The following IL1RAPL1 variants were observed in gnomAD, a reference collection of about 807,000 sequenced individuals.
IL1RAPL1 encodes the protein interleukin 1 receptor accessory protein like 1.
A neutral mutation model predicts 48.4 loss-of-function variants in IL1RAPL1; 3 were observed. That is an observed-to-expected ratio of 0.06 (90% CI 0.03 to 0.16). The LOEUF (loss-of-function observed/expected upper bound fraction) is 0.16. IL1RAPL1 is among the 10% of genes least tolerant of loss of function. The pLI is 1.00. For missense variants in IL1RAPL1, 349 were observed against 530.6 expected, an observed-to-expected ratio of 0.66 and a Z score of 3.36; for synonymous variants, 185 against 187.7, an observed-to-expected ratio of 0.99 and a Z score of 0.12.
At chrX:29,876,552 A>G (rs1931908724) in intron 6 of IL1RAPL1, among the ~76,000 whole-genome samples, 1 of 111,773 alleles carries the variant, frequency 8.9e-6, no homozygotes, top group South Asian at 3.8e-4. Context: ...TGAGAAATGT[A>G]CTCAAGTTTT....
intron 2 of IL1RAPL1, among the ~76,000 whole-genome samples, chrX:29,110,664 CG>C (rs1174245173): frequency 3.6e-5 from 4 of 111,732 alleles, no homozygotes; most frequent in Non-Finnish European, 7.5e-5. Context: ...CGAGTTTTTC[CG>C]GGGGTGATTT....
At chrX:29,078,466 C>T (rs1239067451) in intron 2 of IL1RAPL1, among the ~76,000 whole-genome samples, 2 of 112,035 alleles carry the variant, frequency 1.8e-5, no homozygotes, top group Non-Finnish European at 3.8e-5. Flanking sequence ...GAGATTTCAA[C>T]CAGATAAATT....
In IL1RAPL1 at chrX:28,876,463, C is replaced by G. The variant is rs557790292; in HGVS notation, c.82+87038C>G. On this transcript the variant is annotated intron_variant, in intron 2 of 10. Transcript: ENST00000378993. Reference sequence around the variant, plus strand: ...AGATTTAGAAGAGCATTAGATATCTCTGTCACATCTGAGGAACAAATTAGC... The same window carrying G: ...AGATTTAGAAGAGCATTAGATATCTGTGTCACATCTGAGGAACAAATTAGC... Among the ~76,000 whole-genome samples the G allele has an allele frequency of 1.3e-4, 14 of 111,623 alleles. No individual in the cohort carries two copies. In the South Asian group the frequency reaches 5.3e-3, roughly 42 times the overall value.
At chrX:28,594,934 T>A (rs1050023789) in intron 1 of IL1RAPL1, among the ~76,000 whole-genome samples, 2 of 111,476 alleles carry the variant, frequency 1.8e-5, no homozygotes, top group Non-Finnish European at 3.8e-5. Context: ...TCTTTCCACC[T>A]GCAGGGAATT....
chrX:28,895,803 C>T (rs1287363513), intron 2 of IL1RAPL1, among the ~76,000 whole-genome samples: 2 of 111,373 alleles, frequency 1.8e-5, no homozygotes, highest in African/African-American at 3.3e-5. Flanking sequence ...TTACCCAGAG[C>T]GTCTGTGATG....
intron 2 of IL1RAPL1, among the ~76,000 whole-genome samples, chrX:29,053,744 A>G (rs187295539): frequency 2.1e-4 from 24 of 111,812 alleles, no homozygotes; most frequent in African/African-American, 7.8e-4. Flanking sequence ...TGATTTTTGT[A>G]TATGGTGTAA....
At chrX:28,678,111 TC>T (rs1434045512) in intron 1 of IL1RAPL1, among the ~76,000 whole-genome samples, 1 of 111,887 alleles carries the variant, frequency 8.9e-6, no homozygotes, top group African/African-American at 3.3e-5. Context: ...TGGCCAGGCT[TC>T]TGCCTCAAAT....
intron 5 of IL1RAPL1, among the ~76,000 whole-genome samples, chrX:29,436,498 G>GA (rs775462780): frequency 2.2e-4 from 24 of 108,937 alleles, no homozygotes; most frequent in African/African-American, 7.7e-4. Flanking sequence ...GGACTTCTGA[G>GA]AAAAAAATAC....
At chrX:29,541,648 G>A (rs1921443109) in intron 5 of IL1RAPL1, among the ~76,000 whole-genome samples, 2 of 111,740 alleles carry the variant, frequency 1.8e-5, no homozygotes, top group African/African-American at 3.3e-5. Context: ...CGTGGGTGCC[G>A]CTGGAGGCCA....
rs142402547 is a variant in IL1RAPL1 at position 28,769,354 on chromosome X, T to A, written c.-24-19966T>A. On this transcript the variant is annotated intron_variant, in intron 1 of 10. Coordinates refer to ENST00000378993, the MANE Select transcript of IL1RAPL1 (RefSeq NM_014271.4). ...ACATAAAATGTCACTTTTGTTACAT[T>A]TTACTGAAAAGGTAAGACAAAAGGG... is the stretch of plus-strand genomic sequence containing the variant. Among the ~76,000 whole-genome samples the A allele has an allele frequency of 4.1e-3, 458 of 110,864 alleles. 9 individuals carry two copies. The highest frequency in any genetic ancestry group is 0.038 in the Admixed American group (391 of 10,307).
chrX:28,941,989 A>G (rs1332346373), intron 2 of IL1RAPL1: 1 of 110,517 alleles, frequency 9.0e-6, no homozygotes, highest in African/African-American at 3.3e-5. Context: ...GTAGAAAAGA[A>G]AAGAAAAGAA....
intron 6 of IL1RAPL1, among the ~76,000 whole-genome samples, chrX:29,893,704 C>T (rs1932318463): frequency 9.0e-6 from 1 of 111,361 alleles, no homozygotes; most frequent in Admixed American, 9.6e-5. Context: ...TTACAATATT[C>T]GTAAAGAAGC....
At chrX:29,288,923 C>T (rs765777174) in intron 3 of IL1RAPL1, among the ~76,000 whole-genome samples, 1 of 112,246 alleles carries the variant, frequency 8.9e-6, no homozygotes, top group African/African-American at 3.2e-5. Flanking sequence ...TAATGTTGAA[C>T]GTTTTTTCAT....
chrX:29,777,975 G>GTATAAATAGTTTTCATTTATACTATTT (rs1463118092), intron 6 of IL1RAPL1, among the ~76,000 whole-genome samples: 1 of 108,179 alleles, frequency 9.2e-6, no homozygotes, highest in African/African-American at 3.3e-5. Flanking sequence ...TTATACTATT[G>GTATAAATAGTTTTCATTTATACTATTT]TATAAATAAT....
chrX:28,623,637 G>A (rs1447247264), intron 1 of IL1RAPL1, among the ~76,000 whole-genome samples: 2 of 111,852 alleles, frequency 1.8e-5, no homozygotes, highest in Admixed American at 9.5e-5. Flanking sequence ...TTAAGGAATG[G>A]CATTTTATTC....
intron 6 of IL1RAPL1, among the ~76,000 whole-genome samples, chrX:29,885,639 T>TGTCTC (rs1179737091): frequency 9.0e-6 from 1 of 111,005 alleles, no homozygotes; most frequent in Non-Finnish European, 1.9e-5. Context: ...AGTGAGACCC[T>TGTCTC]GTCTCTACAA....
At chrX:29,197,707 ATTTT>A (rs201963010) in intron 2 of IL1RAPL1, among the ~76,000 whole-genome samples, 4 of 93,802 alleles carry the variant, frequency 4.3e-5, no homozygotes, top group South Asian at 4.8e-4. Flanking sequence ...TTCAGTGAGA[ATTTT>A]TTTTTTTTTT....
At chrX:28,782,688 C>A (rs760803626) in intron 1 of IL1RAPL1, among the ~76,000 whole-genome samples, 29 of 112,102 alleles carry the variant, frequency 2.6e-4, no homozygotes, top group African/African-American at 8.7e-4. Context: ...AAGTACTCAT[C>A]TGTATTGTTT....
intron 2 of IL1RAPL1, among the ~76,000 whole-genome samples, chrX:28,893,828 G>A (rs1433705872): frequency 2.7e-5 from 3 of 111,902 alleles, no homozygotes; most frequent in Non-Finnish European, 5.6e-5. Context: ...GCTGGAAGGA[G>A]ATATTTTCCT....
Sources: gnomAD v4.1 joint callset for allele counts (sites outside exome capture counted in the v4.1 genomes callset) on GRCh38, gnomAD v4.1.1 for gene constraint, MANE v1.5 for transcripts, NCBI Gene and HGNC (gene_info 2026-07-23, HGNC 2026-07-21) for gene names.